The following FBN2 variants were observed in gnomAD, a reference collection of about 807,000 sequenced individuals.
FBN2 encodes the protein fibrillin-2.
Under a neutral mutation model 355.6 loss-of-function variants are expected in FBN2, and 105 were observed. The observed-to-expected ratio is 0.30, with a 90% CI of 0.25 to 0.35. The LOEUF (loss-of-function observed/expected upper bound fraction) is 0.35, where lower values mean the gene tolerates loss of function less well. Among genes scored for constraint, FBN2 ranks in the 10% least tolerant of loss-of-function variants. FBN2 has a pLI of 1.00. For missense variants in FBN2, 3,280 were observed against 3,758.7 expected (o/e 0.87, Z 3.33); for synonymous variants, 1,350 against 1,301.2 (o/e 1.04, Z -0.81).
At chr5:128,367,869 C>CT (rs34350133) in intron 16 of FBN2, among the ~76,000 whole-genome samples, 27,142 of 149,020 alleles carry the variant, frequency 0.18, 3,498 homozygotes, top group East Asian at 0.78. Context: ...CATTATTTTT[C>CT]TTTTTTTTTT....
intron 5 of FBN2, among the ~76,000 whole-genome samples, chr5:128,475,714 A>T (rs901641350): frequency 2.0e-5 from 3 of 152,198 alleles, no homozygotes; most frequent in African/African-American, 7.2e-5. Context: ...TGAACTCTGA[A>T]AATAAAAGAA....
chr5:128,374,262 G>C (rs990822804), intron 15 of FBN2, among the ~76,000 whole-genome samples: 9 of 152,078 alleles, frequency 5.9e-5, no homozygotes, highest in Non-Finnish European at 1.3e-4. Context: ...CAATTTTATA[G>C]TTTTTAGCAT....
intron 45 of FBN2, among the ~76,000 whole-genome samples, chr5:128,304,155 T>C (rs910553100): frequency 5.3e-5 from 8 of 152,228 alleles, no homozygotes; most frequent in Non-Finnish European, 1.2e-4. Context: ...TGAACAGCCC[T>C]AGCCTTTTCT....
intron 11 of FBN2, among the ~76,000 whole-genome samples, chr5:128,384,916 T>C (rs1752326999): frequency 6.6e-6 from 1 of 152,064 alleles, no homozygotes; most frequent in East Asian, 1.9e-4. Flanking sequence ...CAAGCACAAA[T>C]AGGGAGCCTA....
At chr5:128,300,301 T>C (rs1490741458) in intron 48 of FBN2, among the ~76,000 whole-genome samples, 4 of 152,236 alleles carry the variant, frequency 2.6e-5, no homozygotes, top group Non-Finnish European at 5.9e-5. Flanking sequence ...GGACACACTT[T>C]TGATGTGGTT....
At chr5:128,522,489 T>C (rs918998837) in intron 4 of FBN2, among the ~76,000 whole-genome samples, 5 of 152,120 alleles carry the variant, frequency 3.3e-5, no homozygotes, top group African/African-American at 7.2e-5. Flanking sequence ...TAAAATAGCA[T>C]ATAAGACAAA....
At chr5:128,377,256 A>AT (rs1463197110) in intron 13 of FBN2, among the ~76,000 whole-genome samples, 2 of 152,108 alleles carry the variant, frequency 1.3e-5, no homozygotes, top group Non-Finnish European at 2.9e-5. Flanking sequence ...CTTGTAAACA[A>AT]TATTTCTGTG....
intron 12 of FBN2, 23 bp downstream of exon 12, chr5:128,378,748 T>G (rs1385056001): frequency 6.2e-7 from 1 of 1,612,376 alleles, no homozygotes; most frequent in South Asian, 1.1e-5. Context: ...AACATTTTCA[T>G]ATGTGAAAGC....
chr5:128,375,256 G>A (rs1752051126), intron 14 of FBN2, among the ~76,000 whole-genome samples: 1 of 152,134 alleles, frequency 6.6e-6, no homozygotes, highest in African/African-American at 2.4e-5. Flanking sequence ...ACACAGAGCT[G>A]CCGACTCAGG....
chr5:128,261,592 CT>C (rs1764971519), intron 64 of FBN2, 143 bp downstream of exon 64: 2 of 760,872 alleles, frequency 2.6e-6, no homozygotes, highest in South Asian at 2.9e-5. Context: ...ATTTACTTGT[CT>C]TTTCCATACT....
chr5:128,339,224 T>C (rs1216416582), intron 25 of FBN2, 163 bp from the exon 26 acceptor site: 2 of 669,350 alleles, frequency 3.0e-6, no homozygotes, highest in African/African-American at 1.8e-5. Context: ...CTGAGGCACA[T>C]TCCTTTCCCC....
chr5:128,268,451 G>C (rs1208606304), intron 62 of FBN2, among the ~76,000 whole-genome samples: 2 of 152,172 alleles, frequency 1.3e-5, no homozygotes, highest in Non-Finnish European at 2.9e-5. Flanking sequence ...GAGGTACCAA[G>C]AGGAGCTGGT....
intron 11 of FBN2, among the ~76,000 whole-genome samples, chr5:128,386,571 A>G (rs1209039351): frequency 6.6e-6 from 1 of 151,944 alleles, no homozygotes; most frequent in East Asian, 1.9e-4. Flanking sequence ...TAATGTTGAT[A>G]CTTTGATAGG....
intron 11 of FBN2, among the ~76,000 whole-genome samples, chr5:128,379,645 C>T (rs1183361804): frequency 6.6e-6 from 1 of 152,054 alleles, no homozygotes; most frequent in African/African-American, 2.4e-5. Flanking sequence ...AAACCCATTG[C>T]AGGATTCAGG....
chr5:128,357,651 T>C (rs368427427), intron 19 of FBN2, among the ~76,000 whole-genome samples: 63 of 152,316 alleles, frequency 4.1e-4, no homozygotes, highest in African/African-American at 1.5e-3. Context: ...GCTCCTTCAA[T>C]ACATCATCAC....
At chr5:128,262,839 G>C (rs1765009032) in intron 63 of FBN2, among the ~76,000 whole-genome samples, 1 of 152,170 alleles carries the variant, frequency 6.6e-6, no homozygotes, top group Non-Finnish European at 1.5e-5. Flanking sequence ...GAATGCAAAT[G>C]GCCAGCACCT....
At chr5:128,332,439 A>G (rs188719736) in intron 32 of FBN2, among the ~76,000 whole-genome samples, 1 of 152,362 alleles carries the variant, frequency 6.6e-6, no homozygotes, top group Admixed American at 6.5e-5. Context: ...TTTTCTTCAA[A>G]TAAGACCTCT....
intron 6 of FBN2, among the ~76,000 whole-genome samples, chr5:128,453,894 G>A (rs758838478): frequency 2.2e-4 from 33 of 151,950 alleles, no homozygotes; most frequent in Non-Finnish European, 4.1e-4. Flanking sequence ...CTTGCTAGTG[G>A]TCCATACTTC....
intron 11 of FBN2, among the ~76,000 whole-genome samples, chr5:128,384,689 C>G (rs1397796928): frequency 1.3e-5 from 2 of 152,008 alleles, no homozygotes; most frequent in African/African-American, 4.8e-5. Context: ...TTCTTCAACA[C>G]AGGGTACATG....
Sources: gnomAD v4.1 joint callset for allele counts (sites outside exome capture counted in the v4.1 genomes callset) on GRCh38, gnomAD v4.1.1 for gene constraint, MANE v1.5 for transcripts, NCBI Gene and HGNC (gene_info 2026-07-23, HGNC 2026-07-21) for gene names.